CACNA1C: variants seen among roughly 807,000 people sequenced by gnomAD.
CACNA1C encodes the protein voltage-dependent L-type calcium channel subunit alpha-1C.
CACNA1C carries 30 observed loss-of-function variants against 229.0 expected under a neutral mutation model. That is an observed-to-expected ratio of 0.13 (90% CI 0.10 to 0.18). The LOEUF (loss-of-function observed/expected upper bound fraction) is 0.18, where lower values mean the gene tolerates loss of function less well. CACNA1C is among the 10% of genes least tolerant of loss of function. The pLI is 1.00. For synonymous variants in CACNA1C, 1,114 were observed against 1,132.5 expected (o/e 0.98, Z 0.33); for missense variants, 1,658 against 2,845.0 (o/e 0.58, Z 9.49).
In CACNA1C at chr12:2,029,796, G is replaced by A. The variant is rs563904200; in HGVS notation, c.139+58595G>A. ...ACAGAAAACTTGTTTCTGGTTTCTC[G>A]GGTCAGGAGACCAACAGCAGAGAAA... On this transcript the variant is annotated intron_variant, in intron 1 of 46. Coordinates refer to the CACNA1C transcript ENST00000682462. The surrounding 1 kb of genome is among the most constrained non-coding windows in gnomAD (Gnocchi z 4.9). 1.4e-4 allele frequency among the ~76,000 whole-genome samples: 21 copies of A among 152,266 alleles called. No homozygotes were observed. The highest frequency in any genetic ancestry group is 2.1e-4 in the Non-Finnish European group (14 of 68,022).
chr12:2,101,920 A>G (rs79730261), intron 1 of CACNA1C, among the ~76,000 whole-genome samples: 2,587 of 152,276 alleles, frequency 0.017, 73 homozygotes, highest in African/African-American at 0.058. Flanking sequence ...GAACCCCTGC[A>G]TCATGGGACC....
rs972623019 is a variant in CACNA1C at position 2,597,752 on chromosome 12, G to A, written c.2853+463G>A. ...CCGTGGCCTGGAAGGGACACGTGTT[G>A]GCTGTGCCAACATTAAGGCTGCCAT... On this transcript the variant is annotated intron_variant, in intron 21 of 46. Transcript: ENST00000399655. This position sits in a 1 kb window ranked among gnomAD's most constrained non-coding sequence, Gnocchi z 4.3. Among the ~76,000 whole-genome samples, 1 of 152,184 alleles carries A rather than the reference G, an allele frequency of 6.6e-6. No individual in the cohort carries two copies. Among genetic ancestry groups the A allele is most frequent in the African/African-American group, 2.4e-5 (1 of 41,436 alleles).
intron 3 of CACNA1C, among the ~76,000 whole-genome samples, chr12:2,237,667 C>T (rs1184315151): frequency 6.6e-6 from 1 of 152,198 alleles, no homozygotes; most frequent in Non-Finnish European, 1.5e-5. Context: ...TTTCTGCTCC[C>T]TATGATGTTG....
rs953291988 is a variant in CACNA1C, at chr12:2,054,662, G to A, written c.49+1051G>A. On this transcript the variant is annotated intron_variant, in intron 1 of 46. Transcript: ENST00000399655. The surrounding 1 kb of genome is among the most constrained non-coding windows in gnomAD (Gnocchi z 5.5). ...GGGGGTGCAGACAGGGTGGTCCAGC[G>A]GGGCTTTCTGGCAACCTCCAGGCAT... 2.0e-5 allele frequency among the ~76,000 whole-genome samples: 3 copies of A among 148,384 alleles called. No homozygotes were observed. The highest frequency in any genetic ancestry group is 4.4e-5 in the Non-Finnish European group (3 of 67,800).
chr12:2,646,549 T>C lies in CACNA1C; in HGVS notation c.3913-1926T>C, dbSNP rs1295225515. On this transcript the variant is annotated intron_variant, in intron 30 of 46. Coordinates refer to ENST00000399655, the MANE Select transcript of CACNA1C (RefSeq NM_000719.7). This position sits in a 1 kb window ranked among gnomAD's most constrained non-coding sequence, Gnocchi z 4.6. ...TAACATGGTGTAGGTTACCTCCCTCTGGACCTCCCTCCCTGCCCCACTGAA... is the reference window on the plus strand; with the variant it reads ...TAACATGGTGTAGGTTACCTCCCTCCGGACCTCCCTCCCTGCCCCACTGAA... 6.6e-6 allele frequency: 1 copy of C among 152,174 alleles called. No individual in the cohort carries two copies. The highest frequency in any genetic ancestry group is 1.9e-4 in the East Asian group (1 of 5,190). The allele number at this position is 152,174 out of a possible 1,614,324, so 9.4% of individuals were successfully genotyped here. A position where few individuals can be genotyped will look rare whatever the true frequency, so the allele number is the denominator to read the frequency against.
intron 3 of CACNA1C, among the ~76,000 whole-genome samples, chr12:2,326,990 C>A (rs751254002): frequency 6.6e-6 from 1 of 152,188 alleles, no homozygotes; most frequent in Non-Finnish European, 1.5e-5. Flanking sequence ...CTCTAGTATT[C>A]ATTCTTGCCT....
At chr12:2,450,331 G>T (rs562451361) in intron 4 of CACNA1C, among the ~76,000 whole-genome samples, 3 of 152,014 alleles carry the variant, frequency 2.0e-5, no homozygotes, top group Admixed American at 6.5e-5. Context: ...AAGGCGGGCG[G>T]ATCACGAGGT....
chr12:2,449,123 T>C lies in CACNA1C; in HGVS notation c.617+8T>C. On this transcript the variant is annotated splice_region_variant and intron_variant, in intron 4 of 46. Transcript: ENST00000399655. The stretch of plus-strand genomic sequence containing the variant: ...TATAATTGTGGTTGTGGGGTAAGTA[T>C]CACTGTCTGTTTCTTTCCCTTTATC... The C allele has an allele frequency of 6.5e-7, 1 of 1,527,444 alleles. No individual in the cohort carries two copies. Among genetic ancestry groups the C allele is most frequent in the Non-Finnish European group, 8.8e-7 (1 of 1,135,048 alleles). The allele number at this position is 1,527,444 out of a possible 1,614,324, so 94.6% of individuals were successfully genotyped here.
At chr12:2,513,042 C>T (rs1358095240) in intron 9 of CACNA1C, 58 bp downstream of exon 9, 6 of 1,445,822 alleles carry the variant, frequency 4.1e-6, no homozygotes, top group South Asian at 3.9e-5. Context: ...GAGACAGCAT[C>T]GGGGTCAGCA....
intron 3 of CACNA1C, among the ~76,000 whole-genome samples, chr12:2,336,176 A>G (rs552887190): frequency 3.9e-5 from 6 of 152,310 alleles, no homozygotes; most frequent in Admixed American, 6.5e-5. Flanking sequence ...AAAATACCCT[A>G]TGCTAATTTA....
chr12:2,059,631 G>A (rs12371253), intron 1 of CACNA1C, among the ~76,000 whole-genome samples: 1 of 152,122 alleles, frequency 6.6e-6, no homozygotes, highest in Admixed American at 6.5e-5. Context: ...GCTAGGCTCT[G>A]GTTCGTTAAA....
chr12:2,262,734 A>G (rs1399562117), intron 3 of CACNA1C, among the ~76,000 whole-genome samples: 2 of 152,184 alleles, frequency 1.3e-5, no homozygotes, highest in African/African-American at 2.4e-5. Context: ...AGAATCAGAA[A>G]GTTAGTGACC....
chr12:2,556,629 T>A (rs1011381326), intron 10 of CACNA1C, among the ~76,000 whole-genome samples: 4 of 152,206 alleles, frequency 2.6e-5, no homozygotes, highest in Admixed American at 6.5e-5. Flanking sequence ...CTTTTCTTTC[T>A]CTGCAGCTTG....
At position 2,244,110 on chromosome 12, in the gene CACNA1C, G is replaced by A. The variant is rs573621143; in HGVS notation, c.477+123680G>A. ...CTTAAGCATCCTGCCCACTCTGTGG[G>A]GCCATCCCCTGCTGCTCTTGGCTCA... On this transcript the variant is annotated intron_variant, in intron 3 of 46. Transcript: ENST00000399655. 3.3e-5 allele frequency among the ~76,000 whole-genome samples: 5 copies of A among 152,294 alleles called. No individual in the cohort carries two copies. In the South Asian group the frequency reaches 1.0e-3, roughly 32 times the overall value.
rs2098700047 is a variant in CACNA1C, at chr12:2,403,310, T to G, written c.478-45666T>G. The stretch of plus-strand genomic sequence containing the variant: ...GGTCTTGGCCACACAGCTGACTAGC[T>G]GCTTGTGTCATTGGACGAGTGACTT... On this transcript the variant is annotated intron_variant, in intron 3 of 46. Coordinates refer to ENST00000399655, the MANE Select transcript of CACNA1C (RefSeq NM_000719.7). This position sits in a 1 kb window ranked among gnomAD's most constrained non-coding sequence, Gnocchi z 4.1. Among the ~76,000 whole-genome samples, 1 of 152,208 alleles carries G rather than the reference T, an allele frequency of 6.6e-6. No homozygotes were observed. Among genetic ancestry groups the G allele is most frequent in the African/African-American group, 2.4e-5 (1 of 41,456 alleles).
At chr12:2,141,645 C>T (rs1382912105) in intron 3 of CACNA1C, among the ~76,000 whole-genome samples, 3 of 151,372 alleles carry the variant, frequency 2.0e-5, no homozygotes, top group African/African-American at 7.3e-5. Flanking sequence ...TCAGGCTCCT[C>T]GCTGATGGGG....
At chr12:2,115,186 A>G (rs1166241685) in intron 1 of CACNA1C, 38 bp from the exon 2 acceptor site, 36 of 1,435,084 alleles carry the variant, frequency 2.5e-5, no homozygotes, top group South Asian at 1.1e-4. Context: ...CCTGTTTTCT[A>G]TCTAGTAACT....
At position 2,689,196 on chromosome 12, in the gene CACNA1C, C is replaced by T. The variant is rs1290143983; in HGVS notation, c.6117+417C>T. ...TGTTAAAGCTCTTCGATGATTTTAACGTGTAGCAAGGTTGAGAGCCACTAG... is the reference window on the plus strand; with the variant it reads ...TGTTAAAGCTCTTCGATGATTTTAATGTGTAGCAAGGTTGAGAGCCACTAG... On this transcript the variant is annotated intron_variant, in intron 46 of 46. Coordinates refer to ENST00000399655, the MANE Select transcript of CACNA1C (RefSeq NM_000719.7). The surrounding 1 kb of genome is among the most constrained non-coding windows in gnomAD (Gnocchi z 4.2). 6.6e-6 allele frequency among the ~76,000 whole-genome samples: 1 copy of T among 152,124 alleles called. No homozygotes were observed. Among genetic ancestry groups the T allele is most frequent in the East Asian group, 1.9e-4 (1 of 5,164 alleles).
chr12:2,058,381 A>G (rs536727655), intron 1 of CACNA1C, among the ~76,000 whole-genome samples: 31 of 152,326 alleles, frequency 2.0e-4, no homozygotes, highest in Middle Eastern at 6.8e-3. Flanking sequence ...GACTACAGAA[A>G]GCTGATAGAC....
Sources: gnomAD v4.1 joint callset for allele counts (sites outside exome capture counted in the v4.1 genomes callset) on GRCh38, gnomAD v4.1.1 for gene constraint, Gnocchi (gnomAD v3.1) non-coding constraint, MANE v1.5 for transcripts, NCBI Gene and HGNC (gene_info 2026-07-23, HGNC 2026-07-21) for gene names.